Variants in TM9SF3 observed in about 807,000 individuals in gnomAD.
TM9SF3 encodes the protein SM-11044-binding protein.
A neutral mutation model predicts 78.6 loss-of-function variants in TM9SF3; 14 were observed. The ratio of observed to expected loss-of-function variants is 0.18; its 90% CI spans 0.12 to 0.28. The LOEUF is 0.28. TM9SF3 is among the 10% of genes least tolerant of loss of function. TM9SF3 has a pLI of 1.00. For missense variants in TM9SF3, 496 were observed against 721.9 expected (o/e 0.69, Z 3.59); for synonymous variants, 231 against 241.7 (o/e 0.96, Z 0.41).
In TM9SF3 at chr10:96,583,080, CAAAAAAAA is replaced by C. The variant is rs113343282; in HGVS notation, c.102+3646_102+3653del. Among the ~76,000 whole-genome samples, 11 of 78,708 alleles carry C rather than the reference CAAAAAAAA, an allele frequency of 1.4e-4. No homozygotes were observed. In the South Asian group the frequency reaches 3.9e-3, roughly 28 times the overall value. The allele number at this position is 78,708 out of a possible 152,430, so 51.6% of individuals were successfully genotyped here. A position where few individuals can be genotyped will look rare whatever the true frequency, so the allele number is the denominator to read the frequency against. ...GGGCAACAAGAGTGAAACATAGTCT[CAAAAAAAA>C]AAAAAGAAAAAAAAGAAAGAAAGAA... On this transcript the variant is annotated intron_variant, in intron 1 of 14. Coordinates refer to ENST00000371142, the MANE Select transcript of TM9SF3 (RefSeq NM_020123.4).
At chr10:96,565,192 G>A in intron 3 of TM9SF3, 112 bp downstream of exon 3, 2 of 1,039,250 alleles carry the variant, frequency 1.9e-6, no homozygotes, top group Non-Finnish European at 1.3e-6. Flanking sequence ...GTAAAAAACA[G>A]TGAAAACACA....
chr10:96,556,645 T>C (rs981294159), intron 5 of TM9SF3, among the ~76,000 whole-genome samples: 12 of 152,176 alleles, frequency 7.9e-5, no homozygotes, highest in African/African-American at 2.2e-4. Context: ...GTTAATGTTT[T>C]TCTTACATTT....
At chr10:96,566,289 T>C (rs959622432) in intron 2 of TM9SF3, among the ~76,000 whole-genome samples, 4 of 152,244 alleles carry the variant, frequency 2.6e-5, no homozygotes, top group Non-Finnish European at 5.9e-5. Flanking sequence ...ATATTGGTTA[T>C]TTGAAACATG....
rs941776102 is a variant in TM9SF3 at position 96,573,926 on chromosome 10, G to A, written c.298+2708C>T. Among the ~76,000 whole-genome samples, 4 of 152,072 alleles carry A rather than the reference G, an allele frequency of 2.6e-5. No individual in the cohort carries two copies. The East Asian group carries it at 5.8e-4, about 22-fold the overall frequency. On this transcript the variant is annotated intron_variant, in intron 2 of 14. Coordinates refer to ENST00000371142, the MANE Select transcript of TM9SF3 (RefSeq NM_020123.4). Reference sequence around the variant, plus strand: ...TTACACCTTAAGCAAAAATTAACTCGAGATGGATTAAAGACTTAAACGTAA... The same window carrying A: ...TTACACCTTAAGCAAAAATTAACTCAAGATGGATTAAAGACTTAAACGTAA...
At chr10:96,586,302 A>C (rs1848628741) in intron 1 of TM9SF3, among the ~76,000 whole-genome samples, 1 of 152,172 alleles carries the variant, frequency 6.6e-6, no homozygotes, top group South Asian at 2.1e-4. Context: ...CCGGGTAATC[A>C]CGATGCATCC....
chr10:96,529,476 T>TG (rs1264683232), intron 11 of TM9SF3, among the ~76,000 whole-genome samples: 1 of 152,226 alleles, frequency 6.6e-6, no homozygotes, highest in East Asian at 1.9e-4. Flanking sequence ...GGCTATAGAC[T>TG]GGGGGACAAA....
Position 96,522,220 on chromosome 10 carries a change from A to G in TM9SF3, c.*43T>C, listed in dbSNP as rs776768343. 119 of 1,552,856 alleles carry G rather than the reference A, an allele frequency of 7.7e-5. No individual in the cohort carries two copies. Among genetic ancestry groups the G allele is most frequent in the East Asian group, 7.6e-4 (33 of 43,166 alleles). Reference sequence around the variant, plus strand: ...TTTTTGCTGTGCAAGTTCCACCCCTATGAAAAAGAAATTGATCCAAAGTTC... The same window carrying G: ...TTTTTGCTGTGCAAGTTCCACCCCTGTGAAAAAGAAATTGATCCAAAGTTC... On this transcript the variant is annotated 3_prime_UTR_variant, in exon 15 of 15. Coordinates refer to ENST00000371142, the MANE Select transcript of TM9SF3 (RefSeq NM_020123.4).
At chr10:96,582,015 G>A (rs1425712499) in intron 1 of TM9SF3, among the ~76,000 whole-genome samples, 1 of 152,060 alleles carries the variant, frequency 6.6e-6, no homozygotes, top group African/African-American at 2.4e-5. Flanking sequence ...GCATATCCTT[G>A]TCACTAGTAG....
chr10:96,549,816 TTAAAAAAAA>T (rs1848146606), intron 7 of TM9SF3, among the ~76,000 whole-genome samples: 1 of 121,820 alleles, frequency 8.2e-6, no homozygotes, highest in Non-Finnish European at 1.7e-5. Context: ...CTTCTGCATT[TTAAAAAAAA>T]AAAAAAAAAA....
Position 96,544,295 on chromosome 10 carries a change from T to C in TM9SF3, c.1055-89A>G, listed in dbSNP as rs565955265. 5.7e-5 allele frequency: 66 copies of C among 1,165,432 alleles called. No individual in the cohort carries two copies. In the African/African-American group the frequency reaches 9.8e-4, roughly 17 times the overall value. 72.2% of individuals were successfully genotyped at this position (1,165,432 alleles called of 1,614,324 possible). On this transcript the variant is annotated intron_variant, in intron 8 of 14. Transcript: ENST00000371142. Reference sequence around the variant, plus strand: ...ATTTTAATATAAAGATCATGAAATTTAACATCTTAATAATTTCTTCAAAAT... The same window carrying C: ...ATTTTAATATAAAGATCATGAAATTCAACATCTTAATAATTTCTTCAAAAT...
rs35359279 is a variant in TM9SF3, at chr10:96,522,326, C to T, written c.1707G>A (p.Ala569=). The change falls in exon 15 of 15, where the codon GCG becomes GCA. Residue 569 remains alanine, a synonymous_variant. Transcript: ENST00000371142. ...FSTALGIMCG[A]IGYMGTSAFV... ...AGGCACTTGTTCCCATGTAACCAAT[C>T]GCTCCTGCAAAGATAAAATAAGATG... is the stretch of plus-strand genomic sequence containing the variant. The T allele has an allele frequency of 1.5e-3, 2,442 of 1,577,734 alleles. 32 individuals are homozygous for T. The African/African-American group carries it at 0.029, about 19-fold the overall frequency.
At chr10:96,533,230 A>G (rs769985417) in intron 9 of TM9SF3, 40 bp from the exon 10 acceptor site, 4 of 1,588,296 alleles carry the variant, frequency 2.5e-6, no homozygotes, top group African/African-American at 2.7e-5. Flanking sequence ...TCAGAGAACA[A>G]TAACATTAAT....
chr10:96,566,917 A>G (rs1416335770), intron 2 of TM9SF3, among the ~76,000 whole-genome samples: 1 of 152,212 alleles, frequency 6.6e-6, no homozygotes, highest in Non-Finnish European at 1.5e-5. Flanking sequence ...CTTAAGGGAC[A>G]ACAAATGGCC....
intron 4 of TM9SF3, chr10:96,560,682 G>C: frequency 1.7e-6 from 1 of 602,130 alleles, no homozygotes; most frequent in Non-Finnish European, 3.2e-6. Context: ...TGATGATGAT[G>C]ATGACGATTT....
intron 1 of TM9SF3, among the ~76,000 whole-genome samples, chr10:96,585,353 A>G (rs1339718199): frequency 6.6e-6 from 1 of 152,224 alleles, no homozygotes; most frequent in Non-Finnish European, 1.5e-5. Flanking sequence ...CCTGTATACT[A>G]TGTGAAACAA....
intron 2 of TM9SF3, among the ~76,000 whole-genome samples, chr10:96,574,853 C>T (rs1458840451): frequency 1.1e-4 from 16 of 152,092 alleles, no homozygotes; most frequent in Non-Finnish European, 5.9e-5. Flanking sequence ...TGTTCTCACT[C>T]GTAAGTGGGA....
At chr10:96,577,327 T>C (rs1258271858) in intron 1 of TM9SF3, among the ~76,000 whole-genome samples, 2 of 151,604 alleles carry the variant, frequency 1.3e-5, no homozygotes, top group Non-Finnish European at 2.9e-5. Context: ...CTGGTCAAAG[T>C]ACTACAGAGG....
intron 9 of TM9SF3, among the ~76,000 whole-genome samples, chr10:96,536,132 G>T (rs539730888): frequency 6.6e-6 from 1 of 152,050 alleles, no homozygotes; most frequent in East Asian, 1.9e-4. Context: ...AAAAAAACTT[G>T]CAGCGAACTA....
intron 2 of TM9SF3, among the ~76,000 whole-genome samples, chr10:96,571,139 C>G (rs749442648): frequency 2.6e-5 from 4 of 152,136 alleles, no homozygotes; most frequent in Admixed American, 1.3e-4. Context: ...AGAGTGATGC[C>G]TGTAAGGGAG....
Sources: gnomAD v4.1 joint callset for allele counts (sites outside exome capture counted in the v4.1 genomes callset) on GRCh38, gnomAD v4.1.1 for gene constraint, MANE v1.5 for transcripts, NCBI Gene and HGNC (gene_info 2026-07-23, HGNC 2026-07-21) for gene names.